The following PTPRC variants were observed in gnomAD, a reference collection of about 807,000 sequenced individuals.
PTPRC encodes the protein protein tyrosine phosphatase receptor type C.
In PTPRC, 44 loss-of-function variants were observed where a neutral mutation model predicts 155.9. That is an observed-to-expected ratio of 0.28 (90% confidence interval 0.22 to 0.36). The LOEUF (loss-of-function observed/expected upper bound fraction) is 0.36, where lower values mean the gene tolerates loss of function less well. PTPRC is among the 10% of genes least tolerant of loss of function. The probability of loss-of-function intolerance (pLI) is 1.00; values close to 1 mark genes in which losing one functional copy is unlikely to be tolerated. For synonymous variants in PTPRC, 525 were observed against 533.1 expected, an observed-to-expected ratio of 0.98 and a Z score of 0.21; for missense variants, 1,401 against 1,564.6, an observed-to-expected ratio of 0.90 and a Z score of 1.76.
intron 2 of PTPRC, among the ~76,000 whole-genome samples, chr1:198,689,628 A>G (rs529848595): frequency 3.3e-4 from 50 of 152,298 alleles, no homozygotes; most frequent in Admixed American, 2.9e-3. Flanking sequence ...TTCAAGGCCT[A>G]CAGTGCTTGC....
chr1:198,746,832 C>G (rs1655156257), intron 26 of PTPRC, among the ~76,000 whole-genome samples: 1 of 151,776 alleles, frequency 6.6e-6, no homozygotes, highest in African/African-American at 2.4e-5. Context: ...GTAACAGTTT[C>G]CAAAACATCT....
At chr1:198,690,356 A>T (rs1665861367) in intron 2 of PTPRC, among the ~76,000 whole-genome samples, 1 of 152,090 alleles carries the variant, frequency 6.6e-6, no homozygotes, top group Admixed American at 6.6e-5. Context: ...AGGAGAGCGG[A>T]ATGCTGTTAA....
chr1:198,718,250 A>T lies in PTPRC; in HGVS notation c.1607A>T (p.Asn536Ile). The T allele has an allele frequency of 6.2e-7, 1 of 1,614,126 alleles. No homozygotes were observed. Among genetic ancestry groups the T allele is most frequent in the African/African-American group, 1.3e-5 (1 of 75,056 alleles). ...CTGGTTAGAAATGAGTCGCATAAGA[A>T]TTGCGATTTCCGTGTAAAAGATCTT... The part of the protein sequence containing the change: ...NTLVRNESHK[N>I]CDFRVKDLQY... Residue 536 changes from asparagine (N) to isoleucine (I), a missense_variant, in exon 14 of 33, where the codon AAT becomes ATT. By Grantham distance (149) the Asn-to-Ile change is moderately radical. Coordinates refer to ENST00000442510, the MANE Select transcript of PTPRC (RefSeq NM_002838.5).
At chr1:198,741,152 C>G (rs1654881707) in intron 23 of PTPRC, among the ~76,000 whole-genome samples, 1 of 151,822 alleles carries the variant, frequency 6.6e-6, no homozygotes, top group African/African-American at 2.4e-5. Flanking sequence ...TCTGGGTTTA[C>G]TGGTGTTAAT....
chr1:198,700,295 T>C (rs1170390529), intron 5 of PTPRC: 1 of 158,706 alleles, frequency 6.3e-6, no homozygotes, highest in East Asian at 1.9e-4. Context: ...TCCTTTTATA[T>C]GCAAGAAAAA....
intron 2 of PTPRC, among the ~76,000 whole-genome samples, chr1:198,650,092 G>A (rs1663164766): frequency 6.6e-6 from 1 of 151,780 alleles, no homozygotes; most frequent in African/African-American, 2.4e-5. Context: ...AAACAAATTG[G>A]TAGGTTCGAG....
chr1:198,707,488 C>T (rs2102413703), intron 9 of PTPRC, among the ~76,000 whole-genome samples: 1 of 152,230 alleles, frequency 6.6e-6, no homozygotes, highest in Admixed American at 6.5e-5. Context: ...TCTGGGGAAG[C>T]ATCTCTTAGC....
intron 2 of PTPRC, among the ~76,000 whole-genome samples, chr1:198,643,272 G>A (rs1409900456): frequency 6.6e-6 from 1 of 151,656 alleles, no homozygotes; most frequent in East Asian, 1.9e-4. Flanking sequence ...ATCAGGTATA[G>A]GAGACACAAA....
At chr1:198,686,953 G>C (rs1665658308) in intron 2 of PTPRC, among the ~76,000 whole-genome samples, 1 of 152,052 alleles carries the variant, frequency 6.6e-6, no homozygotes, top group Non-Finnish European at 1.5e-5. Flanking sequence ...AGTCTAAATG[G>C]ATAGGTCATG....
At chr1:198,755,794 T>TGTCA (rs1304559762) in intron 32 of PTPRC, 112 bp from the exon 33 acceptor site, 5 of 1,184,232 alleles carry the variant, frequency 4.2e-6, no homozygotes, top group East Asian at 2.4e-5. Context: ...AGTACTTTTC[T>TGTCA]GTCATCCAAT....
chr1:198,753,447 C>T (rs188990021), intron 31 of PTPRC, among the ~76,000 whole-genome samples: 98 of 150,838 alleles, frequency 6.5e-4, no homozygotes, highest in Middle Eastern at 3.5e-3. Flanking sequence ...AAATGAGAAA[C>T]GAAAAATAGT....
At chr1:198,666,212 G>A (rs998412706) in intron 2 of PTPRC, among the ~76,000 whole-genome samples, 1 of 143,872 alleles carries the variant, frequency 7.0e-6, no homozygotes, top group East Asian at 2.0e-4. Context: ...CAGCATTCTA[G>A]CCTGGGCAAC....
At chr1:198,667,595 T>G (rs7555902) in intron 2 of PTPRC, among the ~76,000 whole-genome samples, 9,558 of 152,248 alleles carry the variant, frequency 0.063, 994 homozygotes, top group African/African-American at 0.22. Context: ...ATTCAGTTAT[T>G]CTAGCTGTGC....
At chr1:198,644,759 A>G (rs1170086605) in intron 2 of PTPRC, among the ~76,000 whole-genome samples, 1 of 151,846 alleles carries the variant, frequency 6.6e-6, no homozygotes, top group Non-Finnish European at 1.5e-5. Flanking sequence ...TGATTTCTTA[A>G]CAGACAATCA....
chr1:198,676,130 C>A (rs545357742), intron 2 of PTPRC, among the ~76,000 whole-genome samples: 58 of 152,230 alleles, frequency 3.8e-4, no homozygotes, highest in Middle Eastern at 3.4e-3. Flanking sequence ...CTAAGTCAAG[C>A]CAGTTTTATT....
At chr1:198,702,086 A>C (rs1325051215) in intron 5 of PTPRC, among the ~76,000 whole-genome samples, 2 of 152,210 alleles carry the variant, frequency 1.3e-5, no homozygotes, top group Non-Finnish European at 2.9e-5. Context: ...ATATTGCCTA[A>C]GGCAGCCTGC....
chr1:198,709,961 A>G, intron 11 of PTPRC, 137 bp downstream of exon 11: 1 of 1,237,926 alleles, frequency 8.1e-7, no homozygotes, highest in South Asian at 1.5e-5. Flanking sequence ...ATTTCAATGA[A>G]GCGCAATTTA....
chr1:198,646,710 C>T (rs1019489859), intron 2 of PTPRC, among the ~76,000 whole-genome samples: 1 of 151,850 alleles, frequency 6.6e-6, no homozygotes, highest in African/African-American at 2.4e-5. Context: ...ACTTTTAAGA[C>T]TGCTTGATAG....
chr1:198,697,042 G>A (rs772578788), intron 4 of PTPRC, 133 bp downstream of exon 4: 2 of 866,882 alleles, frequency 2.3e-6, no homozygotes, highest in Admixed American at 3.7e-5. Context: ...TGCAGAAATT[G>A]CAGGAAATTA....
Sources: allele counts gnomAD v4.1 joint callset (sites outside exome capture counted in the v4.1 genomes callset), GRCh38; gene constraint gnomAD v4.1.1; transcripts MANE v1.5; gene names NCBI Gene and HGNC (gene_info 2026-07-23, HGNC 2026-07-21).